POLR3C: variants seen among roughly 807,000 people sequenced by gnomAD.
POLR3C encodes RNA polymerase III subunit C.
In POLR3C, 44 loss-of-function variants were observed where a neutral mutation model predicts 65.9. That is an observed-to-expected ratio of 0.67 (90% CI 0.52 to 0.86). The LOEUF is 0.86. Among genes scored for constraint, POLR3C ranks in the 40% least tolerant of loss-of-function variants. The probability of loss-of-function intolerance (pLI) is 0.00; values close to 1 mark genes in which losing one functional copy is unlikely to be tolerated. For missense variants in POLR3C, 576 were observed against 653.2 expected (o/e 0.88, Z 1.29); for synonymous variants, 263 against 231.6 (o/e 1.14, Z -1.23).
chr1:145,827,075 G>A, intron 4 of POLR3C, 70 bp downstream of exon 4: 2 of 1,185,344 alleles, frequency 1.7e-6, no homozygotes, highest in Non-Finnish European at 2.5e-6. Flanking sequence ...TCAAGTGTAT[G>A]AAATGTGATT....
At position 145,837,609 on chromosome 1, in the gene POLR3C, C is replaced by T. The variant is rs9727157; in HGVS notation, c.1070+13C>T. Reference sequence around the variant, plus strand: ...TCGTACAGGAGAGGTAAGGGGGACACTGGTTGGGTTTGGGATCACATACTT... The same window carrying T: ...TCGTACAGGAGAGGTAAGGGGGACATTGGTTGGGTTTGGGATCACATACTT... On this transcript the variant is annotated intron_variant, in intron 10 of 14. Coordinates refer to ENST00000334163, the MANE Select transcript of POLR3C (RefSeq NM_006468.8). The T allele has an allele frequency of 5.9e-3, 9,307 of 1,589,324 alleles. 454 individuals carry two copies. The African/African-American group carries it at 0.11, about 19-fold the overall frequency.
At chr1:145,826,428 C>G in intron 2 of POLR3C, 26 bp from the exon 3 acceptor site, 2 of 1,608,182 alleles carry the variant, frequency 1.2e-6, no homozygotes, top group Admixed American at 1.7e-5. Context: ...TCTTTCCTCT[C>G]TTTCTTCTCT....
chr1:145,842,599 A>G lies in POLR3C; in HGVS notation c.*179A>G. The G allele has an allele frequency of 1.6e-6, 1 of 617,758 alleles. No individual in the cohort carries two copies. Among genetic ancestry groups the G allele is most frequent in the African/African-American group, 1.8e-5 (1 of 54,230 alleles). 38.3% of individuals were successfully genotyped at this position (617,758 alleles called of 1,614,324 possible). On this transcript the variant is annotated 3_prime_UTR_variant, in exon 15 of 15. Coordinates refer to ENST00000334163, the MANE Select transcript of POLR3C (RefSeq NM_006468.8). ...TTGGCATATTTAGATCCATTGCTGTAGTCTCCCCTCATCAAATCTTGGCAG... is the reference window on the plus strand; with the variant it reads ...TTGGCATATTTAGATCCATTGCTGTGGTCTCCCCTCATCAAATCTTGGCAG...
intron 5 of POLR3C, among the ~76,000 whole-genome samples, chr1:145,831,650 G>A (rs1246014702): frequency 6.6e-6 from 1 of 152,126 alleles, no homozygotes; most frequent in African/African-American, 2.4e-5. Context: ...GGTATGGACA[G>A]AACCCTGACA....
intron 7 of POLR3C, among the ~76,000 whole-genome samples, chr1:145,833,810 G>A (rs587709979): frequency 1.3e-5 from 2 of 152,292 alleles, no homozygotes; most frequent in African/African-American, 4.8e-5. Flanking sequence ...TATTCGTCAA[G>A]TACAGCCTAT....
In POLR3C at chr1:145,843,144, G is replaced by A. The variant is rs1160015233; in HGVS notation, c.*724G>A. Among the ~76,000 whole-genome samples, 1 of 152,174 alleles carries A rather than the reference G, an allele frequency of 6.6e-6. No homozygotes were observed. The highest frequency in any genetic ancestry group is 1.5e-5 in the Non-Finnish European group (1 of 68,036). On this transcript the variant is annotated 3_prime_UTR_variant, in exon 15 of 15. Coordinates refer to ENST00000334163, the MANE Select transcript of POLR3C (RefSeq NM_006468.8). The stretch of plus-strand genomic sequence containing the variant: ...GTTAGCAGGTGGATTGTCCCAAGCA[G>A]TCACACTAGAATCTGTGGACTGAAG...
rs1467333488 is a variant in POLR3C, at chr1:145,836,826, T to A, written c.969T>A (p.Val323=). Residue 323 remains valine, a synonymous_variant, in exon 9 of 15, where the codon GTT becomes GTA. Transcript: ENST00000334163. ...CTTTTTCTTAATAGCTAGAGTTTGT[T>A]GGAAAGTCTGGCGACAGTGGTGGAG... ...TLLADDPLEF[V]GKSGDSGGGM... 1 of 1,591,482 alleles carries A rather than the reference T, an allele frequency of 6.3e-7. No homozygotes were observed. Among genetic ancestry groups the A allele is most frequent in the African/African-American group, 1.3e-5 (1 of 74,326 alleles).
At chr1:145,826,423 CCT>C (rs1650749668) in intron 2 of POLR3C, 29 bp from the exon 3 acceptor site, 1 of 1,605,824 alleles carries the variant, frequency 6.2e-7, no homozygotes, top group Non-Finnish European at 8.5e-7. Context: ...TCAGGTCTTT[CCT>C]CTCTTTCTTC....
chr1:145,833,638 T>A (rs1651538890), intron 7 of POLR3C, 56 bp downstream of exon 7: 1 of 1,134,322 alleles, frequency 8.8e-7, no homozygotes, highest in African/African-American at 1.5e-5. Context: ...GTTATCAACG[T>A]TTATTATACA....
chr1:145,826,441 A>C lies in POLR3C; in HGVS notation c.148-13A>C. On this transcript the variant is annotated splice_polypyrimidine_tract_variant and intron_variant, in intron 2 of 14. Transcript: ENST00000334163. ...GGTCTTTCCTCTCTTTCTTCTCTTT[A>C]TGTTCCATTTAGGTGAAGAAAGCCC... 1 of 1,611,366 alleles carries C rather than the reference A, an allele frequency of 6.2e-7. No individual in the cohort carries two copies. Among genetic ancestry groups the C allele is most frequent in the African/African-American group, 1.3e-5 (1 of 74,974 alleles).
In POLR3C at chr1:145,843,683, T is replaced by G. The variant is rs372639089; in HGVS notation, c.*1263T>G. Among the ~76,000 whole-genome samples the G allele has an allele frequency of 2.0e-5, 3 of 152,062 alleles. No homozygotes were observed. The highest frequency in any genetic ancestry group is 7.2e-5 in the African/African-American group (3 of 41,386). The stretch of plus-strand genomic sequence containing the variant: ...CTACAGTAGAAGAGTAAACACTATG[T>G]ACAGAGAGGCCAGAAAGGGAAAAGG... On this transcript the variant is annotated 3_prime_UTR_variant, in exon 15 of 15. Coordinates refer to ENST00000334163, the MANE Select transcript of POLR3C (RefSeq NM_006468.8).
At position 145,843,303 on chromosome 1, in the gene POLR3C, A is replaced by G. The variant is rs1652428573; in HGVS notation, c.*883A>G. Among the ~76,000 whole-genome samples, 1 of 152,188 alleles carries G rather than the reference A, an allele frequency of 6.6e-6. No individual in the cohort carries two copies. The highest frequency in any genetic ancestry group is 2.1e-4 in the South Asian group (1 of 4,832). On this transcript the variant is annotated 3_prime_UTR_variant, in exon 15 of 15. Transcript: ENST00000334163. ...TCTCCATGGTTCCTTAAAACTGGCA[A>G]CGCTAAATTCTCTCTCTCAGTATCA... is the stretch of plus-strand genomic sequence containing the variant.
In POLR3C at chr1:145,844,127, A is replaced by G. The variant is rs1652488393; in HGVS notation, c.*1707A>G. ...AGAGGTTCCTCAAAAAACTAAAAAC[A>G]GAACTATGCTCCAGCAGTTCCACTA... On this transcript the variant is annotated 3_prime_UTR_variant, in exon 15 of 15. Coordinates refer to ENST00000334163, the MANE Select transcript of POLR3C (RefSeq NM_006468.8). Among the ~76,000 whole-genome samples, 1 of 152,204 alleles carries G rather than the reference A, an allele frequency of 6.6e-6. No homozygotes were observed. The highest frequency in any genetic ancestry group is 2.4e-5 in the African/African-American group (1 of 41,456).
intron 5 of POLR3C, among the ~76,000 whole-genome samples, chr1:145,830,206 A>G (rs1236562804): frequency 6.6e-6 from 1 of 152,088 alleles, no homozygotes; most frequent in Non-Finnish European, 1.5e-5. Flanking sequence ...ACAGTTTAAA[A>G]AAAAAAAAAG....
chr1:145,836,442 G>A, intron 7 of POLR3C, 52 bp from the exon 8 acceptor site: 1 of 980,296 alleles, frequency 1.0e-6, no homozygotes, highest in South Asian at 1.3e-5. Context: ...ATTTCAGTAA[G>A]GTCAGGAGTT....
intron 5 of POLR3C, among the ~76,000 whole-genome samples, chr1:145,832,059 G>A (rs1023437971): frequency 6.6e-6 from 1 of 151,852 alleles, no homozygotes; most frequent in African/African-American, 2.4e-5. Context: ...AAAAAATGGT[G>A]TCATAAAACC....
chr1:145,826,650 A>G lies in POLR3C; in HGVS notation c.344A>G (p.Lys115Arg). 1 of 1,614,138 alleles carries G rather than the reference A, an allele frequency of 6.2e-7. No individual in the cohort carries two copies. The highest frequency in any genetic ancestry group is 8.5e-7 in the Non-Finnish European group (1 of 1,180,020). Residue 115 changes from lysine to arginine, a missense_variant, in exon 3 of 15, where the codon AAA (lysine) becomes AGA (arginine). Lys to Arg is a conservative substitution (Grantham distance 26, BLOSUM62 2). Coordinates refer to ENST00000334163, the MANE Select transcript of POLR3C (RefSeq NM_006468.8). ...GTTGAGGAGCTTCTGTTGAACGGCA[A>G]ACTGACAATGTCAGCTGTTGTGAAG... ...LIVEELLLNG[K>R]LTMSAVVKKV...
At chr1:145,825,667 C>T (rs1365584196) in intron 1 of POLR3C, 90 bp from the exon 2 acceptor site, 4 of 696,450 alleles carry the variant, frequency 5.7e-6, no homozygotes, top group Admixed American at 6.7e-5. Flanking sequence ...TCAAATTGCC[C>T]TCCAGAAAGA....
intron 11 of POLR3C, 183 bp from the exon 12 acceptor site, chr1:145,839,707 G>A (rs1403962941): frequency 1.8e-6 from 1 of 554,788 alleles, no homozygotes; most frequent in Non-Finnish European, 3.2e-6. Context: ...CTCCATCCTA[G>A]GTAACAGAGC....
Sources: gnomAD v4.1 joint callset for allele counts (sites outside exome capture counted in the v4.1 genomes callset) on GRCh38, gnomAD v4.1.1 for gene constraint, MANE v1.5 for transcripts, NCBI Gene and HGNC (gene_info 2026-07-23, HGNC 2026-07-21) for gene names.